Variants in DTNA observed in about 807,000 individuals in gnomAD.
The protein encoded by DTNA is dystrobrevin alpha.
A neutral mutation model predicts 100.7 loss-of-function variants in DTNA; 43 were observed. The ratio of observed to expected loss-of-function variants is 0.43; its 90% confidence interval spans 0.33 to 0.55. The LOEUF (loss-of-function observed/expected upper bound fraction) is 0.55, where lower values mean the gene tolerates loss of function less well. DTNA is among the 20% of genes least tolerant of loss of function. The probability of loss-of-function intolerance (pLI) is 0.04; values close to 1 mark genes in which losing one functional copy is unlikely to be tolerated. For missense variants in DTNA, 798 were observed against 953.9 expected (o/e 0.84, Z 2.15); for synonymous variants, 349 against 347.9 (o/e 1.00, Z -0.04).
chr18:34,696,503 G>A (rs553997435), intron 1 of DTNA, among the ~76,000 whole-genome samples: 2 of 152,266 alleles, frequency 1.3e-5, no homozygotes, highest in Non-Finnish European at 1.5e-5. Flanking sequence ...ACTTGAACCC[G>A]GGAGGTGGAG....
intron 15 of DTNA, among the ~76,000 whole-genome samples, chr18:34,853,713 G>A (rs114727911): frequency 0.01 from 1,589 of 152,050 alleles, 22 homozygotes; most frequent in African/African-American, 0.037. Context: ...TGTCAATGTA[G>A]CAAATAATAG....
intron 1 of DTNA, among the ~76,000 whole-genome samples, chr18:34,721,957 A>G (rs2085428489): frequency 6.6e-6 from 1 of 152,214 alleles, no homozygotes. Context: ...TATGATTGTC[A>G]GTATTAGGGT....
At chr18:34,886,403 G>A (rs2096921714) in intron 22 of DTNA, among the ~76,000 whole-genome samples, 1 of 152,178 alleles carries the variant, frequency 6.6e-6, no homozygotes, top group Non-Finnish European at 1.5e-5. Context: ...AGCTGTTTCT[G>A]AAAATATTCA....
In DTNA at chr18:34,540,272, A is replaced by C. The variant is rs1410809884; in HGVS notation, c.-2+46758A>C. 3.3e-5 allele frequency among the ~76,000 whole-genome samples: 5 copies of C among 152,116 alleles called. No individual in the cohort carries two copies. The South Asian group carries it at 8.3e-4, about 25-fold the overall frequency. On this transcript the variant is annotated intron_variant, in intron 1 of 19. Coordinates refer to the DTNA transcript ENST00000283365. ...GATTTTTAAAAATTCAAGAACCAAA[A>C]ATATTAAAGTTGTGGAAAGGAAAGA...
intron 1 of DTNA, among the ~76,000 whole-genome samples, chr18:34,733,115 G>A (rs1435291447): frequency 6.6e-6 from 1 of 152,170 alleles, no homozygotes; most frequent in African/African-American, 2.4e-5. Context: ...CAGTTACCCT[G>A]GTTAAAGGCT....
At chr18:34,677,843 G>A (rs2077579576) in intron 1 of DTNA, among the ~76,000 whole-genome samples, 1 of 152,152 alleles carries the variant, frequency 6.6e-6, no homozygotes, top group East Asian at 1.9e-4. Flanking sequence ...CAGAACAGTG[G>A]TTAATTGTGT....
chr18:34,886,638 GA>G (rs1192075059), intron 22 of DTNA, among the ~76,000 whole-genome samples: 1 of 152,178 alleles, frequency 6.6e-6, no homozygotes. Flanking sequence ...CAGTACTCTA[GA>G]AGTTCCTAGG....
At chr18:34,687,202 C>G (rs1355629825) in intron 1 of DTNA, among the ~76,000 whole-genome samples, 1 of 152,086 alleles carries the variant, frequency 6.6e-6, no homozygotes, top group Non-Finnish European at 1.5e-5. Context: ...TTTGTTTGCT[C>G]TTGCTTCTCT....
intron 1 of DTNA, among the ~76,000 whole-genome samples, chr18:34,720,220 T>C (rs2084991849): frequency 6.6e-6 from 1 of 152,162 alleles, no homozygotes; most frequent in Non-Finnish European, 1.5e-5. Context: ...GTTCAAAGTT[T>C]GGTTCTTATC....
intron 13 of DTNA, among the ~76,000 whole-genome samples, chr18:34,840,305 A>G (rs1159587322): frequency 6.6e-6 from 1 of 152,172 alleles, no homozygotes; most frequent in African/African-American, 2.4e-5. Context: ...TCTCAAAACT[A>G]CAAAATTGCT....
chr18:34,741,090 G>A lies in DTNA; in HGVS notation c.-1-14886G>A, dbSNP rs182595658. Among the ~76,000 whole-genome samples the A allele has an allele frequency of 3.3e-5, 5 of 152,164 alleles. No homozygotes were observed. The East Asian group carries it at 9.7e-4, about 30-fold the overall frequency. On this transcript the variant is annotated intron_variant, in intron 1 of 22. Coordinates refer to ENST00000444659, the MANE Select transcript of DTNA (RefSeq NM_001386795.1). ...GCGCAGGTCCATTTTCTACATAATC[G>A]TATTGTATATCACTTTGTCCTTTAT...
In DTNA at chr18:34,726,767, C is replaced by T. The variant is rs533907469; in HGVS notation, c.-2+16322C>T. ...AGTTGAGTGCCTGTGGCTTTCCAGG[C>T]TCAGGATGCAAGCTGCCAGTGGCTC... On this transcript the variant is annotated intron_variant, in intron 1 of 22. Coordinates refer to ENST00000444659, the MANE Select transcript of DTNA (RefSeq NM_001386795.1). Among the ~76,000 whole-genome samples the T allele has an allele frequency of 4.6e-5, 7 of 152,326 alleles. No homozygotes were observed. The East Asian group carries it at 1.4e-3, about 29-fold the overall frequency.
At chr18:34,699,274 T>C (rs1045014033) in intron 1 of DTNA, among the ~76,000 whole-genome samples, 2 of 152,052 alleles carry the variant, frequency 1.3e-5, no homozygotes, top group African/African-American at 4.8e-5. Flanking sequence ...AAACCAGGAA[T>C]GCTGATGTCC....
At chr18:34,781,138 G>T (rs548275864) in intron 3 of DTNA, among the ~76,000 whole-genome samples, 114 of 152,276 alleles carry the variant, frequency 7.5e-4, no homozygotes, top group Middle Eastern at 3.4e-3. Context: ...GGAGAAAGAG[G>T]CAGGGCCAAG....
intron 17 of DTNA, among the ~76,000 whole-genome samples, chr18:34,871,679 G>A (rs1314894424): frequency 6.6e-6 from 1 of 152,180 alleles, no homozygotes; most frequent in Non-Finnish European, 1.5e-5. Context: ...CTGCCCCAAT[G>A]CCAAGAGGCC....
At chr18:34,805,333 CT>C (rs922027612) in intron 4 of DTNA, among the ~76,000 whole-genome samples, 76 of 151,440 alleles carry the variant, frequency 5.0e-4, no homozygotes, top group African/African-American at 1.5e-3. Context: ...AGAGCTTTTA[CT>C]TTTTTTTTAA....
At chr18:34,772,377 A>T (rs1468583257) in intron 3 of DTNA, among the ~76,000 whole-genome samples, 1 of 152,188 alleles carries the variant, frequency 6.6e-6, no homozygotes, top group Non-Finnish European at 1.5e-5. Context: ...TTTCTTTTCA[A>T]ATTTCTTTTG....
intron 1 of DTNA, among the ~76,000 whole-genome samples, chr18:34,626,872 G>A (rs566320008): frequency 3.7e-4 from 56 of 152,260 alleles, no homozygotes; most frequent in African/African-American, 1.2e-3. Context: ...CATTAATTTG[G>A]AAACATTTGT....
intron 13 of DTNA, among the ~76,000 whole-genome samples, chr18:34,842,164 T>C (rs2096280724): frequency 6.6e-6 from 1 of 152,146 alleles, no homozygotes; most frequent in South Asian, 2.1e-4. Flanking sequence ...ACCAACCAAA[T>C]GATTTGAAAC....
Sources: allele counts gnomAD v4.1 joint callset (sites outside exome capture counted in the v4.1 genomes callset), GRCh38; gene constraint gnomAD v4.1.1; transcripts MANE v1.5; gene names NCBI Gene and HGNC (gene_info 2026-07-23, HGNC 2026-07-21).